Variants in RORB observed in about 807,000 individuals in gnomAD.
RORB encodes RAR related orphan receptor B.
Under a neutral mutation model 59.1 loss-of-function variants are expected in RORB, and 6 were observed. The observed-to-expected ratio is 0.10, with a 90% CI of 0.06 to 0.20. The LOEUF (loss-of-function observed/expected upper bound fraction) is 0.20. Among genes scored for constraint, RORB ranks in the 10% least tolerant of loss-of-function variants. The probability of loss-of-function intolerance (pLI) is 1.00; values close to 1 mark genes in which losing one functional copy is unlikely to be tolerated. For missense variants in RORB, 320 were observed against 560.5 expected (o/e 0.57, Z 4.33); for synonymous variants, 215 against 204.5 (o/e 1.05, Z -0.44).
At chr9:74,506,175 T>A (rs1435019256) in intron 1 of RORB, among the ~76,000 whole-genome samples, 1 of 152,018 alleles carries the variant, frequency 6.6e-6, no homozygotes, top group African/African-American at 2.4e-5. Flanking sequence ...TTACTAGATA[T>A]CAAGTAGAAC....
chr9:74,663,201 C>A (rs1160179702), intron 6 of RORB, among the ~76,000 whole-genome samples: 1 of 151,788 alleles, frequency 6.6e-6, no homozygotes, highest in African/African-American at 2.4e-5. Context: ...TTCTTGGGCC[C>A]CTTTGAAAAT....
rs1824292577 is a variant in RORB at position 74,667,906 on chromosome 9, G to T, written c.1111+5G>T. 2 of 1,556,116 alleles carry T rather than the reference G, an allele frequency of 1.3e-6. No homozygotes were observed. The highest frequency in any genetic ancestry group is 8.9e-7 in the Non-Finnish European group (1 of 1,127,246). ...CTGCTGTTCTGATATCTCCAGGTAG[G>T]GCAGTCTCAGTTCTCTTACCTTTTT... On this transcript the variant is annotated splice_donor_5th_base_variant and intron_variant, in intron 8 of 9. Coordinates refer to ENST00000376896, the MANE Select transcript of RORB (RefSeq NM_006914.4).
intron 1 of RORB, among the ~76,000 whole-genome samples, chr9:74,583,518 A>T (rs1483647501): frequency 8.6e-5 from 13 of 151,966 alleles, no homozygotes; most frequent in Admixed American, 8.5e-4. Flanking sequence ...ATTTGGTTAC[A>T]AATTAGGTAA....
intron 1 of RORB, among the ~76,000 whole-genome samples, chr9:74,621,526 T>C (rs1823419171): frequency 6.6e-6 from 1 of 152,252 alleles, no homozygotes; most frequent in Admixed American, 6.5e-5. Context: ...TTTTGGGTAA[T>C]TATGAATGAA....
At chr9:74,585,847 T>C (rs895672541) in intron 1 of RORB, among the ~76,000 whole-genome samples, 2 of 140,252 alleles carry the variant, frequency 1.4e-5, no homozygotes, top group Non-Finnish European at 3.2e-5. Context: ...CAGACTGGAG[T>C]GCAGTGGAGC....
At chr9:74,634,580 T>C (rs762298238) in intron 2 of RORB, 51 bp from the exon 3 acceptor site, 2 of 1,508,214 alleles carry the variant, frequency 1.3e-6, no homozygotes, top group East Asian at 2.4e-5. Flanking sequence ...TAATGTTCTC[T>C]GTTTCCCTTC....
intron 1 of RORB, among the ~76,000 whole-genome samples, chr9:74,612,998 A>G (rs988085242): frequency 3.9e-5 from 6 of 152,348 alleles, no homozygotes; most frequent in Admixed American, 3.3e-4. Flanking sequence ...CAGGATTTAA[A>G]TACACACTGG....
intron 1 of RORB, among the ~76,000 whole-genome samples, chr9:74,580,873 T>G (rs1443088986): frequency 2.6e-5 from 4 of 152,112 alleles, no homozygotes; most frequent in Non-Finnish European, 5.9e-5. Flanking sequence ...GACAAAAATT[T>G]CTCTAGAAAG....
intron 1 of RORB, among the ~76,000 whole-genome samples, chr9:74,563,857 G>C (rs1822434342): frequency 6.6e-6 from 1 of 152,192 alleles, no homozygotes; most frequent in East Asian, 1.9e-4. Flanking sequence ...CCAAAGGCAG[G>C]AGTGGAAATA....
intron 4 of RORB, among the ~76,000 whole-genome samples, chr9:74,655,022 TG>T (rs1230347899): frequency 1.3e-5 from 2 of 152,240 alleles, no homozygotes; most frequent in African/African-American, 4.8e-5. Context: ...GTTCACTTTT[TG>T]CCTTATCATG....
At position 74,642,800 on chromosome 9, in the gene RORB, A is replaced by G; in HGVS notation, c.622A>G (p.Thr208Ala). 6.3e-7 allele frequency: 1 copy of G among 1,590,660 alleles called. No individual in the cohort carries two copies. Among genetic ancestry groups the G allele is most frequent in the Non-Finnish European group, 8.6e-7 (1 of 1,164,872 alleles). Residue 208 changes from threonine (T) to alanine (A), a missense_variant, in exon 4 of 10, where the codon ACC (threonine) becomes GCC (alanine). By Grantham distance (58) the Thr-to-Ala change is moderately conservative. Transcript: ENST00000376896. ...FNNGQLAPGI[T>A]MTEIDRIAQN... ...CAATGGGCAGTTAGCACCAGGGATAACCATGACTGAAATCGGTAAGTGGAA... is the reference window on the plus strand; with the variant it reads ...CAATGGGCAGTTAGCACCAGGGATAGCCATGACTGAAATCGGTAAGTGGAA...
intron 1 of RORB, among the ~76,000 whole-genome samples, chr9:74,579,291 AAC>A (rs1822684184): frequency 6.6e-6 from 1 of 152,110 alleles, no homozygotes; most frequent in South Asian, 2.1e-4. Flanking sequence ...TTACTTATTA[AAC>A]ACAATTAATT....
At chr9:74,679,396 G>T (rs901901222) in intron 9 of RORB, among the ~76,000 whole-genome samples, 3 of 152,144 alleles carry the variant, frequency 2.0e-5, no homozygotes, top group East Asian at 1.9e-4. Context: ...GGTAAAACTG[G>T]CATCCCCAAA....
At chr9:74,685,123 A>C (rs934205608) in intron 9 of RORB, among the ~76,000 whole-genome samples, 4 of 152,114 alleles carry the variant, frequency 2.6e-5, no homozygotes, top group Non-Finnish European at 5.9e-5. Context: ...ACCATTACTA[A>C]GCTCTTTTGG....
chr9:74,563,120 TA>T (rs1822421289), intron 1 of RORB, among the ~76,000 whole-genome samples: 1 of 151,682 alleles, frequency 6.6e-6, no homozygotes, highest in Non-Finnish European at 1.5e-5. Flanking sequence ...TAGCAACAGC[TA>T]AAAATCTTAA....
chr9:74,564,705 C>A (rs1429187185), intron 1 of RORB, among the ~76,000 whole-genome samples: 1 of 152,124 alleles, frequency 6.6e-6, no homozygotes, highest in Non-Finnish European at 1.5e-5. Flanking sequence ...TTATTTAAGT[C>A]TCCTTTTTAA....
intron 1 of RORB, among the ~76,000 whole-genome samples, chr9:74,589,757 C>T (rs940259775): frequency 1.3e-5 from 2 of 152,182 alleles, no homozygotes; most frequent in African/African-American, 2.4e-5. Flanking sequence ...TTTCTGGCCT[C>T]GCTTGTTCTG....
At chr9:74,543,103 C>T (rs575549634) in intron 1 of RORB, among the ~76,000 whole-genome samples, 1 of 152,290 alleles carries the variant, frequency 6.6e-6, no homozygotes, top group African/African-American at 2.4e-5. Flanking sequence ...ATCATGAGAG[C>T]CTTCAGACAG....
chr9:74,549,033 C>T (rs943902179), intron 1 of RORB, among the ~76,000 whole-genome samples: 31 of 152,322 alleles, frequency 2.0e-4, no homozygotes, highest in African/African-American at 7.5e-4. Flanking sequence ...TCTTTGACCA[C>T]ATGAAAATGC....
Sources: allele counts gnomAD v4.1 joint callset (sites outside exome capture counted in the v4.1 genomes callset), GRCh38; gene constraint gnomAD v4.1.1; transcripts MANE v1.5; gene names NCBI Gene and HGNC (gene_info 2026-07-23, HGNC 2026-07-21).